Variants in FOXP1 observed in about 807,000 individuals in gnomAD.
FOXP1 encodes forkhead box protein P1.
Under a neutral mutation model 98.2 loss-of-function variants are expected in FOXP1, and 15 were observed. The observed-to-expected ratio is 0.15, with a 90% CI of 0.10 to 0.24. FOXP1 has a LOEUF of 0.24. FOXP1 is among the 10% of genes least tolerant of loss of function. The probability of loss-of-function intolerance (pLI) is 1.00; values close to 1 mark genes in which losing one functional copy is unlikely to be tolerated. For missense variants in FOXP1, 633 were observed against 848.5 expected, an observed-to-expected ratio of 0.75 and a Z score of 3.15; for synonymous variants, 371 against 314.5, an observed-to-expected ratio of 1.18 and a Z score of -1.90.
At chr3:71,022,633 T>C (rs942494489) in intron 11 of FOXP1, among the ~76,000 whole-genome samples, 1 of 152,176 alleles carries the variant, frequency 6.6e-6, no homozygotes, top group African/African-American at 2.4e-5. Flanking sequence ...TATTTCCCTA[T>C]AGGAATGGTT....
intron 2 of FOXP1, among the ~76,000 whole-genome samples, chr3:71,567,617 G>C (rs1258459438): frequency 6.6e-6 from 1 of 152,148 alleles, no homozygotes; most frequent in African/African-American, 2.4e-5. Context: ...CCAATGCAGT[G>C]GTACCGCACG....
intron 20 of FOXP1, among the ~76,000 whole-genome samples, chr3:70,962,559 A>G (rs1170420272): frequency 6.6e-6 from 1 of 152,240 alleles, no homozygotes; most frequent in Non-Finnish European, 1.5e-5. Flanking sequence ...ATTACTGACA[A>G]TGGTGAACAT....
chr3:71,510,968 C>T (rs1212702720), intron 2 of FOXP1, among the ~76,000 whole-genome samples: 1 of 152,160 alleles, frequency 6.6e-6, no homozygotes, highest in Non-Finnish European at 1.5e-5. Flanking sequence ...TTATTAAACA[C>T]CCCATTATGT....
chr3:71,524,904 C>A (rs779736321), intron 2 of FOXP1, among the ~76,000 whole-genome samples: 7 of 152,274 alleles, frequency 4.6e-5, no homozygotes, highest in East Asian at 1.9e-4. Context: ...GGTCACCGTG[C>A]GGCCCACTTG....
intron 11 of FOXP1, among the ~76,000 whole-genome samples, chr3:71,038,521 C>A (rs886261955): frequency 1.2e-4 from 18 of 152,188 alleles, no homozygotes; most frequent in Admixed American, 5.9e-4. Context: ...ACAGTGAGAC[C>A]ATACCTTTAT....
chr3:71,118,654 G>A (rs371870054), intron 6 of FOXP1, among the ~76,000 whole-genome samples: 5 of 152,264 alleles, frequency 3.3e-5, no homozygotes, highest in East Asian at 3.9e-4. Context: ...ACTATAGCCC[G>A]TGGACCAAAT....
intron 4 of FOXP1, among the ~76,000 whole-genome samples, chr3:71,346,997 T>C (rs781348744): frequency 1.6e-4 from 24 of 151,976 alleles, no homozygotes; most frequent in Non-Finnish European, 2.1e-4. Context: ...CGCACCACCA[T>C]TGCACTCCAG....
chr3:71,511,953 C>T lies in FOXP1; in HGVS notation c.-297-18398G>A, dbSNP rs564475003. On this transcript the variant is annotated intron_variant, in intron 2 of 20. Coordinates refer to ENST00000649528, the MANE Select transcript of FOXP1 (RefSeq NM_001349338.3). ...GGCCTAAGGCTCAGGTAGGAGTTGA[C>T]GGAACTGCTGGTGATGACGACAACA... 1.4e-4 allele frequency among the ~76,000 whole-genome samples: 22 copies of T among 152,270 alleles called. 1 individual carries two copies. Among genetic ancestry groups the T allele is most frequent in the Admixed American group, 1.1e-3 (17 of 15,290 alleles).
chr3:71,442,573 T>C (rs762379239), intron 3 of FOXP1, among the ~76,000 whole-genome samples: 21 of 152,200 alleles, frequency 1.4e-4, no homozygotes, highest in Non-Finnish European at 2.6e-4. Context: ...GTCCTCTCTG[T>C]CGTCAGTATC....
At chr3:71,277,335 T>C (rs912545265) in intron 5 of FOXP1, among the ~76,000 whole-genome samples, 1 of 151,982 alleles carries the variant, frequency 6.6e-6, no homozygotes, top group Non-Finnish European at 1.5e-5. Flanking sequence ...TCCTGGCTTA[T>C]TTCACTTAAC....
At chr3:71,233,460 CTT>C (rs949586716) in intron 5 of FOXP1, among the ~76,000 whole-genome samples, 1 of 151,912 alleles carries the variant, frequency 6.6e-6, no homozygotes, top group Admixed American at 6.6e-5. Context: ...GAGTTTCACT[CTT>C]GTCACCCAGG....
chr3:71,264,115 T>C (rs2069419765), intron 5 of FOXP1, among the ~76,000 whole-genome samples: 1 of 152,140 alleles, frequency 6.6e-6, no homozygotes, highest in Non-Finnish European at 1.5e-5. Flanking sequence ...ATTTAATACT[T>C]ACATACAACT....
chr3:71,043,006 C>T (rs1255066156), intron 10 of FOXP1, among the ~76,000 whole-genome samples: 1 of 152,022 alleles, frequency 6.6e-6, no homozygotes, highest in African/African-American at 2.4e-5. Flanking sequence ...TTATATTCAC[C>T]GTGGATCGTT....
chr3:71,162,308 G>A (rs553416135), intron 6 of FOXP1, among the ~76,000 whole-genome samples: 2 of 152,250 alleles, frequency 1.3e-5, no homozygotes, highest in African/African-American at 4.8e-5. Context: ...CTGAAACCTG[G>A]CCAAAATACT....
At chr3:71,457,738 C>T (rs181765692) in intron 3 of FOXP1, among the ~76,000 whole-genome samples, 35 of 152,320 alleles carry the variant, frequency 2.3e-4, no homozygotes, top group Admixed American at 5.2e-4. Flanking sequence ...TTTGCAGTTG[C>T]TCTGACATGC....
At chr3:71,434,884 T>C (rs1023064370) in intron 3 of FOXP1, among the ~76,000 whole-genome samples, 18 of 152,032 alleles carry the variant, frequency 1.2e-4, no homozygotes, top group African/African-American at 4.3e-4. Flanking sequence ...ATTTTTCAGC[T>C]TCACCAAGGA....
intron 9 of FOXP1, among the ~76,000 whole-genome samples, chr3:71,051,987 A>T (rs192465010): frequency 6.6e-6 from 1 of 152,282 alleles, no homozygotes; most frequent in Admixed American, 6.5e-5. Flanking sequence ...TCTAACTTCA[A>T]CTCATGCTCT....
chr3:70,976,234 T>G (rs1038197649), intron 17 of FOXP1, among the ~76,000 whole-genome samples: 8 of 152,026 alleles, frequency 5.3e-5, no homozygotes, highest in Non-Finnish European at 1.0e-4. Context: ...GAATTTTTTT[T>G]GTAGAGACAG....
intron 5 of FOXP1, among the ~76,000 whole-genome samples, chr3:71,252,972 G>A (rs2068326100): frequency 6.6e-6 from 1 of 152,202 alleles, no homozygotes; most frequent in Non-Finnish European, 1.5e-5. Context: ...GGCCCCAGAT[G>A]CTGCCTGAGA....
Sources: gnomAD v4.1 joint callset for allele counts (sites outside exome capture counted in the v4.1 genomes callset) on GRCh38, gnomAD v4.1.1 for gene constraint, MANE v1.5 for transcripts, NCBI Gene and HGNC (gene_info 2026-07-23, HGNC 2026-07-21) for gene names.